MORC2: variants seen among roughly 807,000 people sequenced by gnomAD.
MORC2 encodes the protein MORC family CW-type zinc finger 2.
A neutral mutation model predicts 136.0 loss-of-function variants in MORC2; 30 were observed. The observed-to-expected ratio is 0.22, with a 90% CI of 0.17 to 0.30. The LOEUF is 0.30. Among genes scored for constraint, MORC2 ranks in the 10% least tolerant of loss-of-function variants. The pLI, the probability that MORC2 is intolerant of heterozygous loss-of-function variation, is 1.00. For synonymous variants in MORC2, 439 were observed against 487.0 expected (o/e 0.90, Z 1.30); for missense variants, 922 against 1,333.1 (o/e 0.69, Z 4.80).
chr22:30,928,036 G>A lies in MORC2; in HGVS notation c.3013C>T (p.Leu1005=), dbSNP rs2040516492. ...GGGCTCACCTCCTGCACCTTTTGCA[G>A]GAGTGCCACGATGTTGGTCCTCAGC... is the stretch of plus-strand genomic sequence containing the variant. ...QKLRTNIVAL[L]QKVQEDIDIN... The change falls in exon 25 of 26, where the codon CTG becomes TTG. Residue 1005 remains leucine (L), a synonymous_variant. Transcript: ENST00000397641. 1 of 1,613,590 alleles carries A rather than the reference G, an allele frequency of 6.2e-7. No individual in the cohort carries two copies. The highest frequency in any genetic ancestry group is 8.5e-7 in the Non-Finnish European group (1 of 1,180,016).
chr22:30,933,914 A>G (rs2040613815), intron 20 of MORC2, 146 bp downstream of exon 20: 1 of 934,466 alleles, frequency 1.1e-6, no homozygotes, highest in Non-Finnish European at 1.6e-6. Flanking sequence ...GAGTTGGTGC[A>G]GACTGCTGGT....
At chr22:30,958,361 T>G (rs190842601) in intron 2 of MORC2, among the ~76,000 whole-genome samples, 1 of 152,356 alleles carries the variant, frequency 6.6e-6, no homozygotes. Flanking sequence ...TTTACTACAA[T>G]TATCTTGCTC....
At chr22:30,959,998 G>A (rs755517657) in intron 1 of MORC2, among the ~76,000 whole-genome samples, 34 of 151,982 alleles carry the variant, frequency 2.2e-4, no homozygotes, top group Admixed American at 9.2e-4. Flanking sequence ...ACAGAGTTTC[G>A]CTCTTGTCGC....
intron 1 of MORC2, chr22:30,963,268 A>C (rs1042076031): frequency 2.1e-6 from 2 of 974,176 alleles, no homozygotes; most frequent in African/African-American, 1.8e-5. Flanking sequence ...GAGCCACAGC[A>C]CCCGGCCTAG....
At position 30,937,035 on chromosome 22, in the gene MORC2, A is replaced by C. The variant is rs775818503; in HGVS notation, c.1501T>G (p.Leu501Val). 1.2e-6 allele frequency: 2 copies of C among 1,612,094 alleles called. No homozygotes were observed. Among genetic ancestry groups the C allele is most frequent in the South Asian group, 1.1e-5 (1 of 91,024 alleles). Residue 501 changes from leucine (L) to valine (V), a missense_variant and splice_region_variant, in exon 16 of 26, where the codon TTG (leucine) becomes GTG (valine). Around this residue, in one of 9 missense-constraint regions of MORC2, gnomAD observed 119 missense variants for 202.7 expected, o/e 0.59. Transcript: ENST00000397641. This position sits in a 1 kb window ranked among gnomAD's most constrained non-coding sequence, Gnocchi z 4.7. ...GGGAGGGTTCTCCATTTCAGACACA[A>C]ATCTGCAGAGAGCAAAAAAACCCCA... Reference protein sequence around the residue: ...MEIPTTIQCDLCLKWRTLPFQ... With the variant: ...MEIPTTIQCDVCLKWRTLPFQ...
chr22:30,927,922 G>A (rs1032726196), intron 25 of MORC2, 97 bp downstream of exon 25: 21 of 1,431,850 alleles, frequency 1.5e-5, no homozygotes, highest in Admixed American at 7.5e-5. Flanking sequence ...AGATTCCTGT[G>A]AGTGGATAGA....
chr22:30,956,614 C>T (rs1414985878), intron 3 of MORC2, 149 bp downstream of exon 3: 13 of 662,500 alleles, frequency 2.0e-5, no homozygotes, highest in East Asian at 5.7e-5. Context: ...TACCTGACTA[C>T]GGCTGCCCCT....
In MORC2 at chr22:30,928,233, AGTGT is replaced by A. The variant is rs745413107; in HGVS notation, c.2842-30_2842-27del. On this transcript the variant is annotated intron_variant, in intron 24 of 25. Coordinates refer to ENST00000397641, the MANE Select transcript of MORC2 (RefSeq NM_001303256.3). ...CTGTTGGGAGCAGAGCAAGAGGGAG[AGTGT>A]GTAAGTTCACAGGGGTCCCCAGGGC... is the stretch of plus-strand genomic sequence containing the variant. The A allele has an allele frequency of 1.9e-5, 30 of 1,613,214 alleles. No individual in the cohort carries two copies. In the African/African-American group the frequency reaches 3.3e-4, roughly 18 times the overall value.
At chr22:30,931,456 C>T (rs2040575040) in intron 24 of MORC2, among the ~76,000 whole-genome samples, 1 of 152,200 alleles carries the variant, frequency 6.6e-6, no homozygotes, top group Non-Finnish European at 1.5e-5. Context: ...TCCTTCAGCT[C>T]AAAACTTTTG....
chr22:30,945,107 G>T (rs547571864), intron 6 of MORC2, among the ~76,000 whole-genome samples: 5 of 152,180 alleles, frequency 3.3e-5, no homozygotes, highest in Non-Finnish European at 7.3e-5. Context: ...CCTTAAGCAG[G>T]CTGCTTCTAC....
Position 30,936,511 on chromosome 22 carries a change from C to G in MORC2, c.1737G>C (p.Gln579His). Residue 579 changes from glutamine to histidine, a missense_variant and splice_region_variant, in exon 17 of 26, where the codon CAG becomes CAC. Gln to His is a conservative substitution (Grantham distance 24, BLOSUM62 0). Transcript: ENST00000397641. ...RQQQEKLEAL[Q>H]KTTPIRSQAD... ...TGCCCACTGACCATGACCCACGTAC[C>G]TGAAGGGCCTCCAGCTTCTCCTGCT... is the stretch of plus-strand genomic sequence containing the variant. 3 of 1,614,064 alleles carry G rather than the reference C, an allele frequency of 1.9e-6. No homozygotes were observed. The highest frequency in any genetic ancestry group is 2.5e-6 in the Non-Finnish European group (3 of 1,179,972).
At chr22:30,952,769 G>C (rs996315484) in intron 3 of MORC2, among the ~76,000 whole-genome samples, 3 of 152,222 alleles carry the variant, frequency 2.0e-5, no homozygotes, top group African/African-American at 4.8e-5. Flanking sequence ...GCCTGGTTAT[G>C]ATGAGGACAA....
In MORC2 at chr22:30,941,215, C is replaced by G. The variant is rs1313179561; in HGVS notation, c.824+218G>C. On this transcript the variant is annotated intron_variant, in intron 9 of 25. Coordinates refer to ENST00000397641, the MANE Select transcript of MORC2 (RefSeq NM_001303256.3). The surrounding 1 kb of genome is among the most constrained non-coding windows in gnomAD (Gnocchi z 4.6). Reference sequence around the variant, plus strand: ...GCACCCTCCCTGTCACAGAGGCACACATACTCAATGAGCTTAGCCAGCCAC... The same window carrying G: ...GCACCCTCCCTGTCACAGAGGCACAGATACTCAATGAGCTTAGCCAGCCAC... 6.6e-6 allele frequency among the ~76,000 whole-genome samples: 1 copy of G among 152,210 alleles called. No individual in the cohort carries two copies. The highest frequency in any genetic ancestry group is 1.5e-5 in the Non-Finnish European group (1 of 68,030).
intron 2 of MORC2, 123 bp from the exon 3 acceptor site, chr22:30,956,920 CTA>C (rs2040975052): frequency 1.4e-6 from 1 of 719,534 alleles, no homozygotes. Context: ...TACAGAAATT[CTA>C]TAGACATTTA....
chr22:30,964,300 T>C (rs2041092752), intron 1 of MORC2, among the ~76,000 whole-genome samples: 1 of 151,984 alleles, frequency 6.6e-6, no homozygotes, highest in African/African-American at 2.4e-5. Context: ...GAGGTTGCAG[T>C]GAGGCGAGAT....
At chr22:30,958,159 A>G (rs2040993400) in intron 2 of MORC2, among the ~76,000 whole-genome samples, 1 of 152,198 alleles carries the variant, frequency 6.6e-6, no homozygotes, top group Non-Finnish European at 1.5e-5. Context: ...GATTCCTTCC[A>G]AGCACAGCTG....
At position 30,937,519 on chromosome 22, in the gene MORC2, G is replaced by C. The variant is rs536203658; in HGVS notation, c.1498+64C>G. ...AGTCAAGTTAGGAGGCTGGCAGGAAGATAGAGAAAAGAGGCTTGTGGGCTG... is the reference window on the plus strand; with the variant it reads ...AGTCAAGTTAGGAGGCTGGCAGGAACATAGAGAAAAGAGGCTTGTGGGCTG... On this transcript the variant is annotated intron_variant, in intron 15 of 25. Coordinates refer to ENST00000397641, the MANE Select transcript of MORC2 (RefSeq NM_001303256.3). The surrounding 1 kb of genome is among the most constrained non-coding windows in gnomAD (Gnocchi z 4.7). 1.9e-5 allele frequency: 30 copies of C among 1,580,118 alleles called. No individual in the cohort carries two copies. In the South Asian group the frequency reaches 3.5e-4, roughly 18 times the overall value.
rs1178075925 is a variant in MORC2 at position 30,951,240 on chromosome 22, T to C, written c.158-795A>G. Among the ~76,000 whole-genome samples, 5 of 152,176 alleles carry C rather than the reference T, an allele frequency of 3.3e-5. No homozygotes were observed. In the East Asian group the frequency reaches 9.6e-4, roughly 29 times the overall value. On this transcript the variant is annotated intron_variant, in intron 3 of 25. Coordinates refer to ENST00000397641, the MANE Select transcript of MORC2 (RefSeq NM_001303256.3). ...ACACAACAAACTACGGCTGCCATTC[T>C]AGTGAAAAGAACGTCTTCTCTCAGC... is the stretch of plus-strand genomic sequence containing the variant.
intron 24 of MORC2, 83 bp from the exon 25 acceptor site, chr22:30,928,290 G>A: frequency 7.2e-7 from 1 of 1,392,366 alleles, no homozygotes; most frequent in South Asian, 1.2e-5. Context: ...GGTGTCTCCA[G>A]CCCGCTTTAC....
Sources: allele counts gnomAD v4.1 joint callset (sites outside exome capture counted in the v4.1 genomes callset), GRCh38; gene constraint gnomAD v4.1.1; regional missense constraint gnomAD v4.1.1; non-coding constraint Gnocchi (gnomAD v3.1); transcripts MANE v1.5; gene names NCBI Gene and HGNC (gene_info 2026-07-23, HGNC 2026-07-21).